Variants in LGI4 observed in about 807,000 individuals in gnomAD.
The protein encoded by LGI4 is leucine-rich repeat LGI family member 4.
A neutral mutation model predicts 48.3 loss-of-function variants in LGI4; 36 were observed. The ratio of observed to expected loss-of-function variants is 0.75; its 90% CI spans 0.57 to 0.98. LGI4 has a LOEUF of 0.98. Among genes scored for constraint, LGI4 ranks in the 50% least tolerant of loss-of-function variants. The probability of loss-of-function intolerance (pLI) is 0.00; values close to 1 mark genes in which losing one functional copy is unlikely to be tolerated. For synonymous variants in LGI4, 355 were observed against 331.6 expected (o/e 1.07, Z -0.77); for missense variants, 701 against 732.1 (o/e 0.96, Z 0.49).
At chr19:35,130,934 A>C in intron 6 of LGI4, 1 of 376,008 alleles carries the variant, frequency 2.7e-6, no homozygotes, top group Non-Finnish European at 4.8e-6. Flanking sequence ...TGAGGGCGAG[A>C]CCCAGGGCTG....
intron 3 of LGI4, chr19:35,133,423 G>T: frequency 7.7e-7 from 1 of 1,297,416 alleles, no homozygotes; most frequent in Non-Finnish European, 9.8e-7. Flanking sequence ...TCAGGCTCTG[G>T]TTATCCGGGC....
intron 6 of LGI4, among the ~76,000 whole-genome samples, chr19:35,129,514 T>C (rs1212407648): frequency 2.6e-5 from 4 of 152,190 alleles, no homozygotes; most frequent in Non-Finnish European, 4.4e-5. Flanking sequence ...AAACATGTGC[T>C]ATATTGACTC....
At chr19:35,131,024 G>A in intron 6 of LGI4, 1 of 578,618 alleles carries the variant, frequency 1.7e-6, no homozygotes, top group Non-Finnish European at 3.0e-6. Context: ...GCGAGTCAAT[G>A]TAAAGGAGGT....
intron 2 of LGI4, 61 bp from the exon 3 acceptor site, chr19:35,133,825 C>T: frequency 6.5e-7 from 1 of 1,529,600 alleles, no homozygotes; most frequent in Non-Finnish European, 8.9e-7. Flanking sequence ...ACATTTTAAC[C>T]CTGGCCTCCA....
chr19:35,126,068 G>A (rs1475264528), intron 8 of LGI4: 2 of 620,274 alleles, frequency 3.2e-6, no homozygotes, highest in Non-Finnish European at 5.7e-6. Flanking sequence ...GAATCAGGAT[G>A]TTGGGGCCAG....
chr19:35,134,477 C>T, intron 1 of LGI4, 34 bp downstream of exon 1: 1 of 1,559,046 alleles, frequency 6.4e-7, no homozygotes, highest in Non-Finnish European at 8.7e-7. Context: ...ACTTCCGTCC[C>T]CACCTTCGGG....
rs115637005 is a variant in LGI4, at chr19:35,132,838, C to T, written c.315-796G>A. ...GCCAACACTCACATCTCCATTATGC[C>T]CAAGATGCACATATTCACCCACCAC... On this transcript the variant is annotated intron_variant, in intron 3 of 8. Transcript: ENST00000310123. 1.0e-3 allele frequency among the ~76,000 whole-genome samples: 152 copies of T among 152,166 alleles called. 1 individual carries two copies. The highest frequency in any genetic ancestry group is 6.8e-3 in the Middle Eastern group (2 of 294).
rs751398097 is a variant in LGI4 at position 35,125,288 on chromosome 19, G to A, written c.1519C>T (p.His507Tyr). The A allele has an allele frequency of 2.2e-5, 35 of 1,609,586 alleles. 1 individual carries two copies. The Admixed American group carries it at 4.5e-4, about 21-fold the overall frequency. ...AAGCGTCTGCCGGCCATAGTGATGT[G>A]GGCAAAGGCACGGGGGGCCACCAGG... ...PALVAPRAFA[H>Y]ITMAGRRFLF... Residue 507 changes from histidine (H) to tyrosine (Y), a missense_variant, in exon 9 of 9, where the codon CAC becomes TAC. Transcript: ENST00000310123.
In LGI4 at chr19:35,131,992, CCT is replaced by C; in HGVS notation, c.363_364del (p.Gly122ThrfsTer12). 1 of 1,588,864 alleles carries C rather than the reference CCT, an allele frequency of 6.3e-7. No homozygotes were observed. Among genetic ancestry groups the C allele is most frequent in the Non-Finnish European group, 8.6e-7 (1 of 1,167,280 alleles). ...GCACAGGTGTGTAAGCGAGCGAAGT[CCT>C]CTGAGGGCATTCTTAGAGATGGAGC... On this transcript the variant is annotated frameshift_variant, in exon 4 of 9. Coordinates refer to ENST00000310123, the MANE Select transcript of LGI4 (RefSeq NM_139284.3). LOFTEE classifies it high-confidence loss of function.
At position 35,131,429 on chromosome 19, in the gene LGI4, C is replaced by A. The variant is rs771719426; in HGVS notation, c.585G>T (p.Gln195His). The part of the protein sequence containing the change: ...CAGPASLSHM[Q>H]LHHLDPKTFK... Reference sequence around the variant, plus strand: ...AAGTCTTGGGGTCGAGGTGGTGGAGCTGCATGTGGCTCAGGGAGGCGGGGC... The same window carrying A: ...AAGTCTTGGGGTCGAGGTGGTGGAGATGCATGTGGCTCAGGGAGGCGGGGC... The change falls in exon 6 of 9, where the codon CAG becomes CAT. Residue 195 changes from glutamine to histidine, a missense_variant. By Grantham distance (24) the Gln-to-His change is conservative. Transcript: ENST00000310123. The A allele has an allele frequency of 2.5e-5, 39 of 1,552,210 alleles. 1 individual carries two copies. The East Asian group carries it at 9.0e-4, about 36-fold the overall frequency.
intron 5 of LGI4, 103 bp downstream of exon 5, chr19:35,131,686 C>A: frequency 7.2e-7 from 1 of 1,395,842 alleles, no homozygotes; most frequent in South Asian, 1.3e-5. Flanking sequence ...GTAAGAACCA[C>A]TGCAGCCAAA....
chr19:35,128,641 G>T, intron 6 of LGI4, among the ~76,000 whole-genome samples: 1 of 152,276 alleles, frequency 6.6e-6, no homozygotes, highest in East Asian at 1.9e-4. Flanking sequence ...AGCCTGGGGA[G>T]GTCAAGGCCT....
chr19:35,133,378 C>A (rs1600476885), intron 3 of LGI4: 2 of 1,212,058 alleles, frequency 1.7e-6, no homozygotes, highest in South Asian at 4.1e-5. Flanking sequence ...TCTGTACACC[C>A]TTCCTGGGTT....
chr19:35,133,966 C>A, intron 2 of LGI4, 67 bp downstream of exon 2: 7 of 1,478,824 alleles, frequency 4.7e-6, no homozygotes, highest in Non-Finnish European at 6.5e-6. Context: ...TGAGCATACA[C>A]TCCCACACAT....
Position 35,126,682 on chromosome 19 carries a change from C to T in LGI4, c.887G>A (p.Arg296Gln), listed in dbSNP as rs1469165337. 1.3e-6 allele frequency: 2 copies of T among 1,535,844 alleles called. No homozygotes were observed. The highest frequency in any genetic ancestry group is 1.7e-6 in the Non-Finnish European group (2 of 1,146,298). ...RLWGGSQLWA[R>Q]PSPGLRLAPT... ...GGCCAGGCGCAGGCCGGGACTGGGC[C>T]GGGCCCACAGCTGTGAGCCCCCCCA... Residue 296 changes from arginine (R) to glutamine (Q), a missense_variant, in exon 8 of 9, where the codon CGG becomes CAG. Physicochemically the swap from Arg to Gln is conservative, Grantham distance 43 (BLOSUM62 1). Around this residue, in one of 3 missense-constraint regions of LGI4, gnomAD observed 462 missense variants for 436.4 expected, o/e 1.06. Transcript: ENST00000310123.
At chr19:35,128,423 T>C (rs544663782) in intron 6 of LGI4, among the ~76,000 whole-genome samples, 3 of 152,292 alleles carry the variant, frequency 2.0e-5, no homozygotes, top group Non-Finnish European at 4.4e-5. Context: ...TGCTCAAAAC[T>C]CTCAGCCGAG....
At chr19:35,131,905 C>T (rs769491243) in intron 4 of LGI4, 45 bp from the exon 5 acceptor site, 3 of 1,562,264 alleles carry the variant, frequency 1.9e-6, no homozygotes, top group Admixed American at 3.8e-5. Context: ...CAAGGATACC[C>T]TGTGTTCCCT....
rs764653761 is a variant in LGI4 at position 35,125,279 on chromosome 19, T to C, written c.1528A>G (p.Met510Val). Residue 510 changes from methionine to valine, a missense_variant, in exon 9 of 9, where the codon ATG becomes GTG. By Grantham distance (21) the Met-to-Val change is conservative. Transcript: ENST00000310123. ...VAPRAFAHIT[M>V]AGRRFLFAAC... is the part of the protein sequence containing the mutation. ...GCAAAGAGGAAGCGTCTGCCGGCCATAGTGATGTGGGCAAAGGCACGGGGG... is the reference window on the plus strand; with the variant it reads ...GCAAAGAGGAAGCGTCTGCCGGCCACAGTGATGTGGGCAAAGGCACGGGGG... The C allele has an allele frequency of 1.2e-6, 2 of 1,605,052 alleles. No individual in the cohort carries two copies. The highest frequency in any genetic ancestry group is 1.1e-5 in the South Asian group (1 of 90,798).
Position 35,131,426 on chromosome 19 carries a change from G to T in LGI4, c.588C>A (p.Leu196=). 6.4e-7 allele frequency: 1 copy of T among 1,552,466 alleles called. No individual in the cohort carries two copies. Among genetic ancestry groups the T allele is most frequent in the Non-Finnish European group, 8.7e-7 (1 of 1,147,276 alleles). Reference sequence around the variant, plus strand: ...TGAAAGTCTTGGGGTCGAGGTGGTGGAGCTGCATGTGGCTCAGGGAGGCGG... The same window carrying T: ...TGAAAGTCTTGGGGTCGAGGTGGTGTAGCTGCATGTGGCTCAGGGAGGCGG... ...AGPASLSHMQ[L]HHLDPKTFKC... Residue 196 remains leucine (L), a synonymous_variant, in exon 6 of 9, where the codon CTC becomes CTA. Coordinates refer to ENST00000310123, the MANE Select transcript of LGI4 (RefSeq NM_139284.3).
Sources: allele counts gnomAD v4.1 joint callset (sites outside exome capture counted in the v4.1 genomes callset), GRCh38; gene constraint gnomAD v4.1.1; regional missense constraint gnomAD v4.1.1; transcripts MANE v1.5; gene names NCBI Gene and HGNC (gene_info 2026-07-23, HGNC 2026-07-21).